The following SUGCT variants were observed in gnomAD, a reference collection of about 807,000 sequenced individuals.
The protein encoded by SUGCT is succinyl-CoA:glutarate CoA-transferase.
Under a neutral mutation model 55.0 loss-of-function variants are expected in SUGCT, and 41 were observed. That is an observed-to-expected ratio of 0.74 (90% CI 0.58 to 0.97). The LOEUF is 0.97. Ranked by LOEUF, SUGCT falls within the 50% of genes least tolerant of loss-of-function variation. The probability of loss-of-function intolerance (pLI) is 0.00; values close to 1 mark genes in which losing one functional copy is unlikely to be tolerated. For synonymous variants in SUGCT, 187 were observed against 200.4 expected (o/e 0.93, Z 0.56); for missense variants, 568 against 547.8 (o/e 1.04, Z -0.37).
At chr7:40,766,245 C>G (rs1245098997) in intron 13 of SUGCT, among the ~76,000 whole-genome samples, 1 of 152,194 alleles carries the variant, frequency 6.6e-6, no homozygotes, top group Non-Finnish European at 1.5e-5. Flanking sequence ...GGGTCTCACA[C>G]TGTTGTCCCA....
chr7:40,689,850 G>C (rs1429062558), intron 12 of SUGCT, among the ~76,000 whole-genome samples: 1 of 151,930 alleles, frequency 6.6e-6, no homozygotes. Context: ...TTTTACTCAG[G>C]GTACTCTCTT....
At position 40,514,632 on chromosome 7, in the gene SUGCT, C is replaced by A. The variant is rs539409805; in HGVS notation, c.1089+18246C>A. On this transcript the variant is annotated intron_variant, in intron 12 of 13. Transcript: ENST00000335693. ...GGCTGAGGCAGGAGAATAGCATGAACCCGGGAGGCGGAGGTTGCAGTGAGC... is the reference window on the plus strand; with the variant it reads ...GGCTGAGGCAGGAGAATAGCATGAAACCGGGAGGCGGAGGTTGCAGTGAGC... Among the ~76,000 whole-genome samples the A allele has an allele frequency of 3.3e-5, 5 of 150,634 alleles. No individual in the cohort carries two copies. In the South Asian group the frequency reaches 8.4e-4, roughly 25 times the overall value.
chr7:40,400,966 G>A (rs543726260), intron 9 of SUGCT, among the ~76,000 whole-genome samples: 96 of 152,188 alleles, frequency 6.3e-4, no homozygotes, highest in African/African-American at 2.2e-3. Context: ...CATCAGGAAG[G>A]CATCCCAGTA....
At chr7:40,427,629 A>C (rs867492210) in intron 9 of SUGCT, among the ~76,000 whole-genome samples, 10 of 152,158 alleles carry the variant, frequency 6.6e-5, no homozygotes, top group African/African-American at 2.4e-4. Flanking sequence ...TAACCTCATA[A>C]TCAGTCATTG....
chr7:40,750,644 T>C (rs1033268950), intron 13 of SUGCT, among the ~76,000 whole-genome samples: 1 of 152,044 alleles, frequency 6.6e-6, no homozygotes, highest in East Asian at 1.9e-4. Flanking sequence ...CACTCGCGCA[T>C]GAAAAGAGTA....
intron 12 of SUGCT, among the ~76,000 whole-genome samples, chr7:40,533,633 C>T (rs1794206506): frequency 2.6e-5 from 4 of 152,080 alleles, no homozygotes; most frequent in Admixed American, 2.6e-4. Context: ...ATTCTTATAA[C>T]TTAGCATATA....
chr7:40,488,061 ACT>A (rs1791479485), intron 11 of SUGCT, among the ~76,000 whole-genome samples: 1 of 149,990 alleles, frequency 6.7e-6, no homozygotes, highest in African/African-American at 2.5e-5. Context: ...AATTCGATGT[ACT>A]TACAGATAGG....
intron 9 of SUGCT, among the ~76,000 whole-genome samples, chr7:40,382,004 C>CGT (rs750263458): frequency 0.017 from 2,560 of 149,762 alleles, 26 homozygotes; most frequent in Middle Eastern, 0.041. Context: ...CATCAAGGGA[C>CGT]GTGTGTGTGT....
intron 1 of SUGCT, among the ~76,000 whole-genome samples, chr7:40,171,739 C>T (rs1365008906): frequency 6.6e-6 from 1 of 152,122 alleles, no homozygotes; most frequent in Non-Finnish European, 1.5e-5. Flanking sequence ...TTGGGCCATC[C>T]GCAGGTTAGT....
intron 13 of SUGCT, among the ~76,000 whole-genome samples, chr7:40,753,077 G>A (rs1359891610): frequency 6.6e-6 from 1 of 152,158 alleles, no homozygotes; most frequent in Non-Finnish European, 1.5e-5. Context: ...GCTTACAGAT[G>A]TCAGATAAAA....
Position 40,626,955 on chromosome 7 carries a change from C to G in SUGCT, c.1090-122479C>G, listed in dbSNP as rs189789947. On this transcript the variant is annotated intron_variant, in intron 12 of 13. Transcript: ENST00000335693. The stretch of plus-strand genomic sequence containing the variant: ...AAAACATCAAGTAGTTTCAACACTG[C>G]AAGTTGAAGGAAGGCAATATGATGA... 8.5e-5 allele frequency among the ~76,000 whole-genome samples: 13 copies of G among 152,298 alleles called. No homozygotes were observed. The East Asian group carries it at 2.1e-3, about 25-fold the overall frequency.
intron 12 of SUGCT, among the ~76,000 whole-genome samples, chr7:40,728,092 T>C (rs923370035): frequency 1.3e-5 from 2 of 152,210 alleles, no homozygotes; most frequent in African/African-American, 4.8e-5. Context: ...ATTAGGATTG[T>C]TTAGTCAAAG....
chr7:40,860,537 CTT>C lies in SUGCT; in HGVS notation c.*60_*61del. 1 of 1,546,928 alleles carries C rather than the reference CTT, an allele frequency of 6.5e-7. No individual in the cohort carries two copies. Among genetic ancestry groups the C allele is most frequent in the Non-Finnish European group, 8.7e-7 (1 of 1,143,152 alleles). ...TCCGAATACACTGGCAAAGGCAACA[CTT>C]TGCTTGGACCCTTCTCCCCAGTTCT... On this transcript the variant is annotated 3_prime_UTR_variant, in exon 14 of 14. Transcript: ENST00000335693.
intron 9 of SUGCT, among the ~76,000 whole-genome samples, chr7:40,383,599 C>A (rs1277332724): frequency 6.6e-6 from 1 of 152,204 alleles, no homozygotes; most frequent in African/African-American, 2.4e-5. Flanking sequence ...AAAGCATAAT[C>A]TGAATTTAGA....
intron 4 of SUGCT, among the ~76,000 whole-genome samples, chr7:40,189,140 G>A (rs1429025428): frequency 1.3e-5 from 2 of 152,070 alleles, no homozygotes; most frequent in Admixed American, 6.6e-5. Flanking sequence ...TCAGGAGATC[G>A]AGACCATCCT....
Position 40,616,378 on chromosome 7 carries a change from T to C in SUGCT, c.1089+119992T>C, listed in dbSNP as rs140818130. On this transcript the variant is annotated intron_variant, in intron 12 of 13. Transcript: ENST00000335693. ...GCCCAACTAATTTTTGTGTTTTTAG[T>C]AGAGACGGGGTTTTGCCATGTTGGC... Among the ~76,000 whole-genome samples, 525 of 152,012 alleles carry C rather than the reference T, an allele frequency of 3.5e-3. 4 individuals carry two copies. Among genetic ancestry groups the C allele is most frequent in the African/African-American group, 0.012 (501 of 41,446 alleles).
intron 6 of SUGCT, among the ~76,000 whole-genome samples, chr7:40,235,677 A>G (rs1029014806): frequency 3.9e-5 from 6 of 152,342 alleles, no homozygotes; most frequent in Non-Finnish European, 7.3e-5. Context: ...TTCCTTCAAT[A>G]AATGTTATTG....
intron 3 of SUGCT, among the ~76,000 whole-genome samples, chr7:40,182,504 G>A (rs1025040376): frequency 6.6e-6 from 1 of 150,574 alleles, no homozygotes; most frequent in Non-Finnish European, 1.5e-5. Context: ...GGAGGTTGCT[G>A]TGAGCCAAGG....
intron 6 of SUGCT, among the ~76,000 whole-genome samples, chr7:40,231,227 G>A (rs753275994): frequency 3.9e-5 from 6 of 152,098 alleles, no homozygotes; most frequent in African/African-American, 1.2e-4. Context: ...TCCTATAGCC[G>A]GTTGTAACAA....
Sources: gnomAD v4.1 joint callset for allele counts (sites outside exome capture counted in the v4.1 genomes callset) on GRCh38, gnomAD v4.1.1 for gene constraint, MANE v1.5 for transcripts, NCBI Gene and HGNC (gene_info 2026-07-23, HGNC 2026-07-21) for gene names.